Variants in DCBLD2 observed in about 807,000 individuals in gnomAD.
The protein encoded by DCBLD2 is discoidin, CUB and LCCL domain-containing protein 2.
In DCBLD2, 54 loss-of-function variants were observed where a neutral mutation model predicts 86.8. That is an observed-to-expected ratio of 0.62 (90% CI 0.50 to 0.78). The LOEUF is 0.78. Ranked by LOEUF, DCBLD2 falls within the 30% of genes least tolerant of loss-of-function variation. The pLI, the probability that DCBLD2 is intolerant of heterozygous loss-of-function variation, is 0.00. For synonymous variants in DCBLD2, 354 were observed against 341.3 expected, an observed-to-expected ratio of 1.04 and a Z score of -0.41; for missense variants, 908 against 954.2, an observed-to-expected ratio of 0.95 and a Z score of 0.64.
chr3:98,890,112 A>T (rs1288653246), intron 1 of DCBLD2, among the ~76,000 whole-genome samples: 1 of 152,042 alleles, frequency 6.6e-6, no homozygotes, highest in Non-Finnish European at 1.5e-5. Flanking sequence ...TGTGTCCCTC[A>T]AAAAGACACA....
chr3:98,802,565 C>G (rs552186508), intron 13 of DCBLD2, among the ~76,000 whole-genome samples: 1 of 152,252 alleles, frequency 6.6e-6, no homozygotes, highest in Non-Finnish European at 1.5e-5. Flanking sequence ...TTAATTAGAT[C>G]CCATTTGTCA....
rs761492142 is a variant in DCBLD2, at chr3:98,801,632, C to G, written c.1688G>C (p.Gly563Ala). Reference sequence around the variant, plus strand: ...GTCCCAGTAAGGTAAGTCATAGGTGCCTTCAGTTTTTTTCTTTCTGGAAAA... The same window carrying G: ...GTCCCAGTAAGGTAAGTCATAGGTGGCTTCAGTTTTTTTCTTTCTGGAAAA... ...HWRNRKKKTE[G>A]TYDLPYWDRA... Residue 563 changes from glycine to alanine, a missense_variant, in exon 14 of 16, where the codon GGC (glycine) becomes GCC (alanine). Physicochemically the swap from Gly to Ala is moderately conservative, Grantham distance 60. Transcript: ENST00000326840. The G allele has an allele frequency of 6.2e-7, 1 of 1,608,146 alleles. No individual in the cohort carries two copies.
chr3:98,825,279 C>CAAAA lies in DCBLD2; in HGVS notation c.623+32_623+35dup, dbSNP rs11341324. On this transcript the variant is annotated intron_variant, in intron 4 of 15. Transcript: ENST00000326840. ...AAGTGAATGAAAAGTAACATTTAAGCAAAAAAAAAAAAAAAAGTCACAAAT... is the reference window on the plus strand; with the variant it reads ...AAGTGAATGAAAAGTAACATTTAAGCAAAAAAAAAAAAAAAAAAAAGTCACAAAT... The CAAAA allele has an allele frequency of 5.8e-5, 73 of 1,264,004 alleles. No individual in the cohort carries two copies. In the African/African-American group the frequency reaches 7.9e-4, roughly 14 times the overall value. 78.3% of individuals were successfully genotyped at this position (1,264,004 alleles called of 1,614,324 possible).
intron 12 of DCBLD2, among the ~76,000 whole-genome samples, chr3:98,810,897 G>T (rs1242339801): frequency 1.3e-5 from 2 of 151,942 alleles, no homozygotes; most frequent in Admixed American, 1.3e-4. Context: ...AGAAAATATT[G>T]TATTTCTAAG....
intron 1 of DCBLD2, 43 bp downstream of exon 1, chr3:98,901,079 C>G (rs1040747107): frequency 2.6e-6 from 4 of 1,536,728 alleles, no homozygotes; most frequent in Non-Finnish European, 2.6e-6. Context: ...CCCGCAGCCC[C>G]GACGGAGGTT....
chr3:98,806,662 C>T (rs1348168419), intron 13 of DCBLD2, among the ~76,000 whole-genome samples: 1 of 152,142 alleles, frequency 6.6e-6, no homozygotes, highest in Non-Finnish European at 1.5e-5. Flanking sequence ...TGGCTCAATA[C>T]TTGACATAGG....
chr3:98,886,809 C>CTTTTT (rs1553734159), intron 1 of DCBLD2, among the ~76,000 whole-genome samples: 1 of 121,480 alleles, frequency 8.2e-6, no homozygotes, highest in Non-Finnish European at 1.7e-5. Context: ...AACCCCCCCC[C>CTTTTT]TTTTTTTTTT....
At chr3:98,853,748 T>C (rs1265527472) in intron 2 of DCBLD2, among the ~76,000 whole-genome samples, 1 of 152,222 alleles carries the variant, frequency 6.6e-6, no homozygotes, top group African/African-American at 2.4e-5. Flanking sequence ...TTAATATTGT[T>C]ACGAAACTTG....
At chr3:98,833,964 T>G (rs1195337639) in intron 3 of DCBLD2, among the ~76,000 whole-genome samples, 1 of 152,114 alleles carries the variant, frequency 6.6e-6, no homozygotes, top group Non-Finnish European at 1.5e-5. Context: ...TAAGAAACAG[T>G]CTGGCCACTT....
chr3:98,819,578 C>G, intron 7 of DCBLD2, 161 bp from the exon 8 acceptor site: 1 of 722,820 alleles, frequency 1.4e-6, no homozygotes, highest in South Asian at 1.9e-5. Context: ...GTTTCTTGGG[C>G]ATATGTCTTT....
intron 2 of DCBLD2, among the ~76,000 whole-genome samples, chr3:98,867,151 G>T (rs868343243): frequency 6.6e-6 from 1 of 152,158 alleles, no homozygotes; most frequent in African/African-American, 2.4e-5. Flanking sequence ...GATGCCTCCC[G>T]CTTTGTTCTT....
chr3:98,860,418 A>G lies in DCBLD2; in HGVS notation c.434-10820T>C, dbSNP rs146621469. On this transcript the variant is annotated intron_variant, in intron 2 of 15. Coordinates refer to ENST00000326840, the MANE Select transcript of DCBLD2 (RefSeq NM_080927.4). ...GAGAAGAGCAACTTCATGACACATA[A>G]TTGTCAGATTCACCAAAGTTGAAAT... Among the ~76,000 whole-genome samples, 13 of 152,046 alleles carry G rather than the reference A, an allele frequency of 8.6e-5. No homozygotes were observed. The East Asian group carries it at 2.3e-3, about 27-fold the overall frequency.
At chr3:98,817,718 A>C in intron 9 of DCBLD2, 51 bp downstream of exon 9, 2 of 1,587,726 alleles carry the variant, frequency 1.3e-6, no homozygotes, top group Non-Finnish European at 1.7e-6. Flanking sequence ...GTGACTTGGC[A>C]ACCACCCATT....
chr3:98,840,025 T>C (rs1029579548), intron 3 of DCBLD2, among the ~76,000 whole-genome samples: 2 of 152,096 alleles, frequency 1.3e-5, no homozygotes, highest in African/African-American at 4.8e-5. Flanking sequence ...AGTAGACAAG[T>C]AAAAGATGAA....
At chr3:98,841,512 T>A (rs1942620222) in intron 3 of DCBLD2, among the ~76,000 whole-genome samples, 1 of 152,208 alleles carries the variant, frequency 6.6e-6, no homozygotes, top group Non-Finnish European at 1.5e-5. Context: ...AACAAATGAA[T>A]CAAAAAATAT....
At chr3:98,848,484 C>A (rs182150202) in intron 3 of DCBLD2, among the ~76,000 whole-genome samples, 214 of 152,272 alleles carry the variant, frequency 1.4e-3, no homozygotes, top group Admixed American at 5.1e-3. Context: ...GGGTATATAT[C>A]CAGTAATAGG....
rs771691426 is a variant in DCBLD2 at position 98,811,288 on chromosome 3, T to C, written c.1482A>G (p.Gln494=). 72 of 1,612,350 alleles carry C rather than the reference T, an allele frequency of 4.5e-5. No homozygotes were observed. In the Middle Eastern group the frequency reaches 1.5e-3, roughly 33 times the overall value. ...CAGGAAATTCATTGCTACTGCGAGG[T>C]TGTAGTGGTTGCGTAAATTTTGGGG... ...GRAPKFTQPL[Q]PRSSNEFPAQ... is the part of the protein sequence containing the mutation. Residue 494 remains glutamine (Q), a synonymous_variant, in exon 12 of 16, where the codon CAA becomes CAG. Coordinates refer to ENST00000326840, the MANE Select transcript of DCBLD2 (RefSeq NM_080927.4).
intron 2 of DCBLD2, among the ~76,000 whole-genome samples, chr3:98,865,092 A>G (rs994885777): frequency 6.6e-6 from 1 of 152,202 alleles, no homozygotes; most frequent in Non-Finnish European, 1.5e-5. Flanking sequence ...CATATGATCC[A>G]GTAATTTTAC....
intron 3 of DCBLD2, among the ~76,000 whole-genome samples, chr3:98,833,610 G>C (rs1374966971): frequency 7.9e-5 from 12 of 152,204 alleles, no homozygotes; most frequent in Admixed American, 7.2e-4. Context: ...GTGGTCAGGT[G>C]GGGGTACAGT....
Sources: allele counts gnomAD v4.1 joint callset (sites outside exome capture counted in the v4.1 genomes callset), GRCh38; gene constraint gnomAD v4.1.1; transcripts MANE v1.5; gene names NCBI Gene and HGNC (gene_info 2026-07-23, HGNC 2026-07-21).